Variants in ATAD2B observed in about 807,000 individuals in gnomAD.
The protein encoded by ATAD2B is ATPase family AAA domain containing 2B.
Under a neutral mutation model 167.6 loss-of-function variants are expected in ATAD2B, and 40 were observed. The observed-to-expected ratio is 0.24, with a 90% CI of 0.19 to 0.31. The LOEUF (loss-of-function observed/expected upper bound fraction) is 0.31, where lower values mean the gene tolerates loss of function less well. ATAD2B is among the 10% of genes least tolerant of loss of function. ATAD2B has a pLI of 1.00. For missense variants in ATAD2B, 1,242 were observed against 1,757.2 expected (o/e 0.71, Z 5.24); for synonymous variants, 579 against 596.5 (o/e 0.97, Z 0.43).
intron 15 of ATAD2B, among the ~76,000 whole-genome samples, chr2:23,824,164 A>G (rs933633263): frequency 3.3e-5 from 5 of 152,026 alleles, no homozygotes; most frequent in African/African-American, 1.2e-4. Flanking sequence ...GTCTCACTAC[A>G]TTGCCTAGGC....
rs537358610 is a variant in ATAD2B at position 23,917,622 on chromosome 2, G to A, written c.216+8933C>T. On this transcript the variant is annotated intron_variant, in intron 1 of 27. Coordinates refer to ENST00000238789, the MANE Select transcript of ATAD2B (RefSeq NM_017552.4). Reference sequence around the variant, plus strand: ...CCGGGATTTTTTTTTTTTTCCCAAAGCCAACTTAAAAATACTGAGAAGAGC... The same window carrying A: ...CCGGGATTTTTTTTTTTTTCCCAAAACCAACTTAAAAATACTGAGAAGAGC... Among the ~76,000 whole-genome samples, 96 of 150,730 alleles carry A rather than the reference G, an allele frequency of 6.4e-4. 1 individual carries two copies. Among genetic ancestry groups the A allele is most frequent in the African/African-American group, 2.3e-3 (95 of 41,016 alleles).
the ATAD2B span, among the ~76,000 whole-genome samples, chr2:23,711,682 A>G: frequency 6.6e-6 from 1 of 151,968 alleles, no homozygotes; most frequent in African/African-American, 2.4e-5. Flanking sequence ...TTTCCCCAGA[A>G]TTTCAGTCTG....
chr2:23,834,742 AAAT>A (rs1191288914), intron 13 of ATAD2B, among the ~76,000 whole-genome samples: 2 of 152,106 alleles, frequency 1.3e-5, no homozygotes, highest in African/African-American at 4.8e-5. Flanking sequence ...ATACAAAGAC[AAAT>A]AATAAAATTT....
the ATAD2B span, among the ~76,000 whole-genome samples, chr2:23,682,188 G>C: frequency 6.6e-6 from 1 of 152,166 alleles, no homozygotes; most frequent in South Asian, 2.1e-4. The surrounding 1 kb of genome is among the most constrained non-coding windows in gnomAD (Gnocchi z 4.1). Context: ...CTGTTGCTGT[G>C]TAATTCCGGC....
At chr2:23,680,911 G>C in the ATAD2B span, among the ~76,000 whole-genome samples, 7 of 152,300 alleles carry the variant, frequency 4.6e-5, no homozygotes, top group Admixed American at 4.6e-4. This position sits in a 1 kb window ranked among gnomAD's most constrained non-coding sequence, Gnocchi z 4.1. Context: ...CCAGCCCCGA[G>C]GCCTGCAAAT....
chr2:23,747,861 T>G (rs2149282623), downstream of ATAD2B, among the ~76,000 whole-genome samples: 1 of 152,202 alleles, frequency 6.6e-6, no homozygotes. Flanking sequence ...GATTTAAAGA[T>G]TTGCCTCAGA....
At chr2:23,925,970 T>C (rs1487279233) in intron 1 of ATAD2B, among the ~76,000 whole-genome samples, 1 of 152,200 alleles carries the variant, frequency 6.6e-6, no homozygotes, top group African/African-American at 2.4e-5. Context: ...GTTTGATCTC[T>C]CCTGCCTGGA....
chr2:23,868,350 G>C (rs1396295065), intron 9 of ATAD2B, among the ~76,000 whole-genome samples: 1 of 152,190 alleles, frequency 6.6e-6, no homozygotes, highest in Non-Finnish European at 1.5e-5. Flanking sequence ...GCCCAGGATG[G>C]AATGCAGTGG....
chr2:23,739,600 A>G, the ATAD2B span, among the ~76,000 whole-genome samples: 3 of 152,150 alleles, frequency 2.0e-5, no homozygotes, highest in Non-Finnish European at 4.4e-5. Flanking sequence ...AGAAAGCAGG[A>G]AAGATCTAAA....
chr2:23,786,366 T>A (rs1338231325), intron 20 of ATAD2B, 143 bp from the exon 21 acceptor site: 2 of 747,288 alleles, frequency 2.7e-6, no homozygotes, highest in African/African-American at 3.5e-5. Context: ...TTCTAAGAAA[T>A]GTGCAGTTAG....
At chr2:23,828,729 A>T in intron 15 of ATAD2B, 120 bp downstream of exon 15, 1 of 618,308 alleles carries the variant, frequency 1.6e-6, no homozygotes, top group South Asian at 2.4e-5. Context: ...ACATAAAGGT[A>T]GAGACAATCT....
chr2:23,829,543 G>A (rs539277774), intron 14 of ATAD2B, among the ~76,000 whole-genome samples: 1 of 152,244 alleles, frequency 6.6e-6, no homozygotes, highest in South Asian at 2.1e-4. Flanking sequence ...TTATGTCCAG[G>A]AGTTCAAGAC....
chr2:23,758,592 C>T (rs1042463635), intron 24 of ATAD2B, among the ~76,000 whole-genome samples: 1 of 152,136 alleles, frequency 6.6e-6, no homozygotes, highest in African/African-American at 2.4e-5. Flanking sequence ...TTAAGGGTAT[C>T]CTCACAAAGA....
At chr2:23,767,024 T>C (rs1259626493) in intron 22 of ATAD2B, among the ~76,000 whole-genome samples, 1 of 151,724 alleles carries the variant, frequency 6.6e-6, no homozygotes, top group Non-Finnish European at 1.5e-5. Flanking sequence ...GCCAGTGTAG[T>C]GTTATGAGTT....
chr2:23,693,640 A>G, the ATAD2B span: 1 of 1,158,694 alleles, frequency 8.6e-7, no homozygotes, highest in Non-Finnish European at 1.2e-6. Flanking sequence ...TGCTCTCCCT[A>G]AGTGGCAGAG....
chr2:23,917,784 C>T (rs565062130), intron 1 of ATAD2B, among the ~76,000 whole-genome samples: 3 of 151,604 alleles, frequency 2.0e-5, no homozygotes, highest in Non-Finnish European at 4.4e-5. Flanking sequence ...TATAGCCAGG[C>T]GCGGTGGCTC....
At chr2:23,911,931 C>T (rs1290482997) in intron 1 of ATAD2B, among the ~76,000 whole-genome samples, 3 of 149,222 alleles carry the variant, frequency 2.0e-5, no homozygotes, top group Admixed American at 6.8e-5. Context: ...GCCAAGATCA[C>T]GCCATTGCAT....
chr2:23,812,106 A>C (rs953213815), intron 17 of ATAD2B, among the ~76,000 whole-genome samples: 1 of 152,080 alleles, frequency 6.6e-6, no homozygotes, highest in African/African-American at 2.4e-5. Context: ...AGCAAATTTA[A>C]AATGGAACTA....
At chr2:23,864,256 C>T (rs980971303) in intron 11 of ATAD2B, among the ~76,000 whole-genome samples, 6 of 152,054 alleles carry the variant, frequency 3.9e-5, no homozygotes, top group Non-Finnish European at 8.8e-5. Flanking sequence ...CCACCCACCT[C>T]GGGATCCCAA....
Sources: allele counts gnomAD v4.1 joint callset (sites outside exome capture counted in the v4.1 genomes callset), GRCh38; gene constraint gnomAD v4.1.1; non-coding constraint Gnocchi (gnomAD v3.1); transcripts MANE v1.5; gene names NCBI Gene and HGNC (gene_info 2026-07-23, HGNC 2026-07-21).